Variants in ZNF668 observed in about 807,000 individuals in gnomAD.
The protein encoded by ZNF668 is zinc finger protein 668.
ZNF668 carries 10 observed loss-of-function variants against 40.3 expected under a neutral mutation model. The observed-to-expected ratio is 0.25, with a 90% CI of 0.15 to 0.42. ZNF668 has a LOEUF of 0.42. ZNF668 is among the 10% of genes least tolerant of loss of function. The probability of loss-of-function intolerance (pLI) is 1.00; values close to 1 mark genes in which losing one functional copy is unlikely to be tolerated. For missense variants in ZNF668, 749 were observed against 904.6 expected (o/e 0.83, Z 2.21); for synonymous variants, 428 against 384.6 (o/e 1.11, Z -1.32).
intron 1 of ZNF668, among the ~76,000 whole-genome samples, chr16:31,065,310 C>T (rs191522177): frequency 2.9e-3 from 448 of 152,338 alleles, no homozygotes; most frequent in Admixed American, 5.6e-3. Context: ...TCCTGGGGAT[C>T]ATGGTTGGGA....
chr16:31,070,212 C>T (rs898060977), intron 1 of ZNF668, among the ~76,000 whole-genome samples: 1 of 151,644 alleles, frequency 6.6e-6, no homozygotes, highest in African/African-American at 2.4e-5. Context: ...GCCACCGCGC[C>T]CGGCCCTTTT....
At chr16:31,073,515 G>T (rs868181712) in intron 1 of ZNF668, 144 bp downstream of exon 1, 1 of 152,080 alleles carries the variant, frequency 6.6e-6, no homozygotes, top group Non-Finnish European at 1.5e-5. Context: ...GCCCGGGGCC[G>T]CTCACAGCCC....
rs7187220 is a variant in ZNF668 at position 31,061,286 on chromosome 16, G to C, written c.1642C>G (p.Gln548Glu). 42 of 1,562,568 alleles carry C rather than the reference G, an allele frequency of 2.7e-5. No homozygotes were observed. The highest frequency in any genetic ancestry group is 3.5e-5 in the Non-Finnish European group (40 of 1,153,976). Residue 548 changes from glutamine (Q) to glutamate (E), a missense_variant, in exon 3 of 3, where the codon CAG becomes GAG. Physicochemically the swap from Gln to Glu is conservative, Grantham distance 29. Around this residue, in one of 4 missense-constraint regions of ZNF668, gnomAD observed 310 missense variants for 355.1 expected, o/e 0.87. Coordinates refer to ENST00000300849, the MANE Select transcript of ZNF668 (RefSeq NM_024706.5). This position sits in a 1 kb window ranked among gnomAD's most constrained non-coding sequence, Gnocchi z 7.7. ...HPELRPFPCT[Q>E]CGKSFSDRAG... ...CGGTCAGAGAAGCTCTTGCCGCACT[G>C]GGTGCAGGGGAAGGGCCGGAGCTCC...
At chr16:31,072,881 T>C (rs2057026588) in intron 1 of ZNF668, 1 of 152,326 alleles carries the variant, frequency 6.6e-6, no homozygotes, top group South Asian at 2.1e-4. Flanking sequence ...GGAAAGCCCC[T>C]TTACATCCTT....
In ZNF668 at chr16:31,061,227, G is replaced by A; in HGVS notation, c.1701C>T (p.Ser567=). 1 of 1,531,224 alleles carries A rather than the reference G, an allele frequency of 6.5e-7. No homozygotes were observed. The highest frequency in any genetic ancestry group is 8.8e-7 in the Non-Finnish European group (1 of 1,140,912). 94.9% of individuals were successfully genotyped at this position (1,531,224 alleles called of 1,614,324 possible). ...AGLRKHSRTH[S]SVRPYTCPHC... ...GGGGGCAGGTGTAGGGGCGCACTGA[G>A]CTGTGAGTGCGGCTGTGTTTGCGCA... is the stretch of plus-strand genomic sequence containing the variant. The change falls in exon 3 of 3, where the codon AGC becomes AGT. Residue 567 remains serine (S), a synonymous_variant. Coordinates refer to ENST00000300849, the MANE Select transcript of ZNF668 (RefSeq NM_024706.5). The surrounding 1 kb of genome is among the most constrained non-coding windows in gnomAD (Gnocchi z 7.7).
Position 31,061,863 on chromosome 16 carries a change from C to T in ZNF668, c.1065G>A (p.Ala355=), listed in dbSNP as rs764641491. Residue 355 remains alanine (A), a synonymous_variant, in exon 3 of 3, where the codon GCG becomes GCA. Coordinates refer to ENST00000300849, the MANE Select transcript of ZNF668 (RefSeq NM_024706.5). This position sits in a 1 kb window ranked among gnomAD's most constrained non-coding sequence, Gnocchi z 7.7. ...AGGGCCGCTGGCCAGAGTGCACCAGCGCGTGCCGCTTGAGGTCCCAGGACG... is the reference window on the plus strand; with the variant it reads ...AGGGCCGCTGGCCAGAGTGCACCAGTGCGTGCCGCTTGAGGTCCCAGGACG... ...FVASWDLKRH[A]LVHSGQRPFR... is the part of the protein sequence containing the mutation. 7 of 1,612,744 alleles carry T rather than the reference C, an allele frequency of 4.3e-6. No individual in the cohort carries two copies. Among genetic ancestry groups the T allele is most frequent in the South Asian group, 3.3e-5 (3 of 91,024 alleles).
At position 31,063,872 on chromosome 16, in the gene ZNF668, G is replaced by A. The variant is rs550822802; in HGVS notation, c.588C>T (p.Tyr196=). The stretch of plus-strand genomic sequence containing the variant: ...AGGCTTTGCCGCAACGCTCACAGCT[G>A]TAGGGCCGCAGGCCAGCGTGAGTAC... The part of the protein sequence containing the change: ...HRRTHAGLRP[Y]SCERCGKAYA... The change falls in exon 2 of 3, where the codon TAC becomes TAT. Residue 196 remains tyrosine, a synonymous_variant. Coordinates refer to ENST00000300849, the MANE Select transcript of ZNF668 (RefSeq NM_024706.5). The A allele has an allele frequency of 1.2e-5, 19 of 1,595,588 alleles. No homozygotes were observed. The highest frequency in any genetic ancestry group is 5.4e-5 in the African/African-American group (4 of 74,592).
intron 1 of ZNF668, among the ~76,000 whole-genome samples, chr16:31,068,244 A>G (rs1298688258): frequency 1.2e-5 from 1 of 85,598 alleles, no homozygotes; most frequent in Non-Finnish European, 2.3e-5. Context: ...AAAAAAATAT[A>G]TATATATATA....
rs1477871128 is a variant in ZNF668, at chr16:31,062,349, C to T, written c.648-69G>A. 4 of 1,517,368 alleles carry T rather than the reference C, an allele frequency of 2.6e-6. 1 individual carries two copies. The highest frequency in any genetic ancestry group is 1.8e-4 in the Middle Eastern group (1 of 5,678). The allele number at this position is 1,517,368 out of a possible 1,614,324, so 94.0% of individuals were successfully genotyped here. The stretch of plus-strand genomic sequence containing the variant: ...AACGTGACCCCACTGCCTGTCTGGG[C>T]TGTACTTTAGGGGCTCCCCAAACGT... On this transcript the variant is annotated intron_variant, in intron 2 of 2. Transcript: ENST00000300849.
intron 1 of ZNF668, 195 bp from the exon 2 acceptor site, chr16:31,064,676 C>G: frequency 6.5e-7 from 1 of 1,536,040 alleles, no homozygotes; most frequent in Admixed American, 2.0e-5. Flanking sequence ...ACCAAGTGTC[C>G]GCAGAGCCAC....
chr16:31,068,239 A>AAAAAAAAAAAAT (rs1473353128), intron 1 of ZNF668, among the ~76,000 whole-genome samples: 18 of 82,994 alleles, frequency 2.2e-4, no homozygotes, highest in African/African-American at 6.0e-4. Flanking sequence ...AAAAAAAAAA[A>AAAAAAAAAAAAT]ATATATATAT....
At chr16:31,066,416 G>C in intron 1 of ZNF668, 1 of 978,344 alleles carries the variant, frequency 1.0e-6, no homozygotes, top group Non-Finnish European at 1.2e-6. Context: ...GCTTAGCCAG[G>C]TGTGGTGGCA....
chr16:31,066,342 C>T, intron 1 of ZNF668: 1 of 985,432 alleles, frequency 1.0e-6, no homozygotes, highest in Non-Finnish European at 1.2e-6. Flanking sequence ...GGGTTTGGCC[C>T]CAATCCCACA....
In ZNF668 at chr16:31,061,185, G is replaced by GA; in HGVS notation, c.1742dup (p.Ser583GlufsTer9). ...GCTTGCGCAAGTCGCTGGCACTCAA[G>GA]AAGGCCTTGGGACAATGGGGGCAGG... On this transcript the variant is annotated frameshift_variant, in exon 3 of 3. Transcript: ENST00000300849. LOFTEE classifies it high-confidence loss of function. The surrounding 1 kb of genome is among the most constrained non-coding windows in gnomAD (Gnocchi z 7.7). 6.6e-7 allele frequency: 1 copy of GA among 1,518,582 alleles called. No individual in the cohort carries two copies. The highest frequency in any genetic ancestry group is 8.8e-7 in the Non-Finnish European group (1 of 1,134,654). 94.1% of individuals were successfully genotyped at this position (1,518,582 alleles called of 1,614,324 possible). A position where few individuals can be genotyped will look rare whatever the true frequency, so the allele number is the denominator to read the frequency against.
intron 1 of ZNF668, chr16:31,066,301 C>T (rs567980195): frequency 1.0e-6 from 1 of 985,452 alleles, no homozygotes; most frequent in East Asian, 1.1e-4. Flanking sequence ...GCCCCACTTC[C>T]ACCAGGAGGA....
chr16:31,063,452 G>A (rs1027842983), intron 2 of ZNF668, among the ~76,000 whole-genome samples: 1 of 139,990 alleles, frequency 7.1e-6, no homozygotes, highest in African/African-American at 2.7e-5. Context: ...CATTAATGTA[G>A]AGGCTGAGAA....
At chr16:31,068,535 T>A (rs1391578329) in intron 1 of ZNF668, among the ~76,000 whole-genome samples, 7 of 149,650 alleles carry the variant, frequency 4.7e-5, no homozygotes, top group Non-Finnish European at 8.9e-5. Context: ...TTTTTTTTTT[T>A]TTATTAAAGA....
At chr16:31,068,239 A>AAAAAAAATATATATATAT (rs1473353128) in intron 1 of ZNF668, among the ~76,000 whole-genome samples, 11 of 82,988 alleles carry the variant, frequency 1.3e-4, no homozygotes, top group African/African-American at 5.0e-4. Flanking sequence ...AAAAAAAAAA[A>AAAAAAAATATATATATAT]ATATATATAT....
chr16:31,069,854 A>G (rs1489969414), intron 1 of ZNF668, among the ~76,000 whole-genome samples: 3 of 125,612 alleles, frequency 2.4e-5, no homozygotes, highest in Non-Finnish European at 4.8e-5. Context: ...GGCTCACTGC[A>G]AGCTCCGCCT....
Sources: gnomAD v4.1 joint callset for allele counts (sites outside exome capture counted in the v4.1 genomes callset) on GRCh38, gnomAD v4.1.1 for gene constraint, gnomAD v4.1.1 regional missense constraint, Gnocchi (gnomAD v3.1) non-coding constraint, MANE v1.5 for transcripts, NCBI Gene and HGNC (gene_info 2026-07-23, HGNC 2026-07-21) for gene names.